Variants in KCNMA1 observed in about 807,000 individuals in gnomAD.
KCNMA1 encodes Calcium-activated potassium channel subunit alpha-1.
Under a neutral mutation model 140.0 loss-of-function variants are expected in KCNMA1, and 29 were observed. The observed-to-expected ratio is 0.21, with a 90% confidence interval of 0.15 to 0.28. KCNMA1 has a LOEUF of 0.28. Among genes scored for constraint, KCNMA1 ranks in the 10% least tolerant of loss-of-function variants. The probability of loss-of-function intolerance (pLI) is 1.00; values close to 1 mark genes in which losing one functional copy is unlikely to be tolerated. For missense variants in KCNMA1, 880 were observed against 1,602.2 expected (o/e 0.55, Z 7.70); for synonymous variants, 612 against 611.9 (o/e 1.00, Z 0.00).
intron 1 of KCNMA1, chr10:77,636,976 A>C (rs889694032): frequency 7.1e-7 from 1 of 1,408,108 alleles, no homozygotes; most frequent in Non-Finnish European, 9.2e-7. Context: ...TGAGTCCCCG[A>C]CCCCGGCCCC....
intron 2 of KCNMA1, among the ~76,000 whole-genome samples, chr10:77,370,249 G>C (rs968300716): frequency 1.3e-5 from 2 of 152,150 alleles, no homozygotes; most frequent in Non-Finnish European, 2.9e-5. Context: ...AAAGTTGCAG[G>C]TCCTTTGGGG....
In KCNMA1 at chr10:77,598,512, C is replaced by T. The variant is rs922278757; in HGVS notation, c.378+38753G>A. On this transcript the variant is annotated intron_variant, in intron 1 of 27. Transcript: ENST00000286628. ...CTGCAGGAGAGGAGTGCATGGCATCCGAGAGCCATCAAACAGTAAATAAGA... is the reference window on the plus strand; with the variant it reads ...CTGCAGGAGAGGAGTGCATGGCATCTGAGAGCCATCAAACAGTAAATAAGA... Among the ~76,000 whole-genome samples the T allele has an allele frequency of 5.9e-5, 9 of 152,172 alleles. 1 individual carries two copies. The highest frequency in any genetic ancestry group is 1.9e-4 in the African/African-American group (8 of 41,434).
intron 2 of KCNMA1, among the ~76,000 whole-genome samples, chr10:77,283,080 T>C (rs2069287622): frequency 6.6e-6 from 1 of 152,174 alleles, no homozygotes; most frequent in Non-Finnish European, 1.5e-5. Context: ...TTAGTTCAAC[T>C]ACCAGCCTTT....
intron 1 of KCNMA1, among the ~76,000 whole-genome samples, chr10:77,518,521 C>A (rs2051465915): frequency 6.6e-6 from 1 of 152,196 alleles, no homozygotes; most frequent in African/African-American, 2.4e-5. Context: ...TCTCTAGGGG[C>A]TGCTCAGAAA....
rs567394865 is a variant in KCNMA1, at chr10:77,255,483, C to T, written c.541-4227G>A. On this transcript the variant is annotated intron_variant, in intron 2 of 27. Transcript: ENST00000286628. ...GTTGTGGTGGTGCACACCTGTAGTCCCAGCTACTTGGGAAGTTGAAACAGG... is the reference window on the plus strand; with the variant it reads ...GTTGTGGTGGTGCACACCTGTAGTCTCAGCTACTTGGGAAGTTGAAACAGG... 2.6e-5 allele frequency among the ~76,000 whole-genome samples: 4 copies of T among 152,024 alleles called. No homozygotes were observed. In the South Asian group the frequency reaches 8.3e-4, roughly 32 times the overall value.
At chr10:76,957,861 A>T (rs2153029120) in intron 20 of KCNMA1, among the ~76,000 whole-genome samples, 1 of 152,316 alleles carries the variant, frequency 6.6e-6, no homozygotes, top group Non-Finnish European at 1.5e-5. Context: ...GTAAGCTGGG[A>T]ACACAATTCG....
At chr10:76,949,022 G>A in intron 22 of KCNMA1, 120 bp downstream of exon 22, 1 of 885,574 alleles carries the variant, frequency 1.1e-6, no homozygotes, top group Admixed American at 1.7e-5. Context: ...TGAGTCCTCA[G>A]GCCCATACCC....
At position 76,953,880 on chromosome 10, in the gene KCNMA1, A is replaced by G. The variant is rs75573826; in HGVS notation, c.2405T>C (p.Met802Thr). Reference sequence around the variant, plus strand: ...GTCGTACTTCTTCACATTGGAGTCCATGTTGTCAATCTGATCATTGCCAGG... The same window carrying G: ...GTCGTACTTCTTCACATTGGAGTCCGTGTTGTCAATCTGATCATTGCCAGG... Reference protein sequence around the residue: ...LIPGNDQIDNMDSNVKKYDST... With the variant: ...LIPGNDQIDNTDSNVKKYDST... The change falls in exon 21 of 28, where the codon ATG becomes ACG. Residue 802 changes from methionine (M) to threonine (T), a missense_variant. Met to Thr is a moderately conservative substitution (Grantham distance 81). Coordinates refer to ENST00000286628, the MANE Select transcript of KCNMA1 (RefSeq NM_001161352.2). 14 of 1,613,942 alleles carry G rather than the reference A, an allele frequency of 8.7e-6. No individual in the cohort carries two copies. The highest frequency in any genetic ancestry group is 9.3e-6 in the Non-Finnish European group (11 of 1,179,922).
intron 1 of KCNMA1, among the ~76,000 whole-genome samples, chr10:77,545,189 C>T (rs1303955035): frequency 2.6e-5 from 4 of 152,174 alleles, no homozygotes; most frequent in African/African-American, 9.7e-5. Flanking sequence ...GGGTTTCATC[C>T]CACAGACAAC....
chr10:76,941,946 C>A (rs1231283362), intron 23 of KCNMA1, among the ~76,000 whole-genome samples: 1 of 151,980 alleles, frequency 6.6e-6, no homozygotes, highest in East Asian at 1.9e-4. Context: ...TCTCAGGCTT[C>A]TTTTACTTTA....
intron 2 of KCNMA1, among the ~76,000 whole-genome samples, chr10:77,303,555 G>C (rs546922860): frequency 6.6e-6 from 1 of 151,986 alleles, no homozygotes; most frequent in African/African-American, 2.4e-5. Flanking sequence ...TTTCCTAAAG[G>C]AAACAAAAAA....
At chr10:77,581,876 A>G (rs888773947) in intron 1 of KCNMA1, among the ~76,000 whole-genome samples, 88 of 152,244 alleles carry the variant, frequency 5.8e-4, no homozygotes, top group African/African-American at 2.0e-3. Context: ...GACAGCTTCA[A>G]AGAGCATCTG....
At chr10:77,441,495 A>C (rs527804203) in intron 1 of KCNMA1, among the ~76,000 whole-genome samples, 30 of 152,284 alleles carry the variant, frequency 2.0e-4, no homozygotes, top group African/African-American at 7.0e-4. Context: ...GTTCCATCCT[A>C]AGGACTTTAG....
intron 16 of KCNMA1, among the ~76,000 whole-genome samples, chr10:77,025,242 G>GTATGTATATATA (rs1555136871): frequency 2.3e-5 from 1 of 42,742 alleles, no homozygotes; most frequent in African/African-American, 7.7e-5. Flanking sequence ...GGGTGTGTGT[G>GTATGTATATATA]TATATATATA....
chr10:77,107,836 C>T (rs1564580305), intron 9 of KCNMA1, among the ~76,000 whole-genome samples: 2 of 152,170 alleles, frequency 1.3e-5, no homozygotes, highest in South Asian at 2.1e-4. Flanking sequence ...TCCCAGTGGC[C>T]GCAGTGCCTT....
At chr10:77,026,840 T>C (rs1339814620) in intron 16 of KCNMA1, among the ~76,000 whole-genome samples, 1 of 152,220 alleles carries the variant, frequency 6.6e-6, no homozygotes, top group Non-Finnish European at 1.5e-5. Context: ...TCTGGCTGTA[T>C]TGGGTTATTC....
intron 13 of KCNMA1, chr10:77,078,132 T>C (rs1463718488): frequency 2.0e-5 from 3 of 152,022 alleles, no homozygotes; most frequent in African/African-American, 7.3e-5. Context: ...CAGAATGGGG[T>C]TTTTCTCTGC....
rs182588778 is a variant in KCNMA1 at position 77,494,988 on chromosome 10, C to G, written c.379-90965G>C. Among the ~76,000 whole-genome samples, 8 of 152,216 alleles carry G rather than the reference C, an allele frequency of 5.3e-5. No homozygotes were observed. In the East Asian group the frequency reaches 1.5e-3, roughly 29 times the overall value. On this transcript the variant is annotated intron_variant, in intron 1 of 27. Transcript: ENST00000286628. ...GTTCCCCTTTTTATAAATATGACAC[C>G]AGTTATTTTGGGTTAGAGCCCACGC... is the stretch of plus-strand genomic sequence containing the variant.
At chr10:76,940,819 G>T (rs1201791356) in intron 23 of KCNMA1, among the ~76,000 whole-genome samples, 1 of 151,242 alleles carries the variant, frequency 6.6e-6, no homozygotes, top group African/African-American at 2.4e-5. Context: ...AAATTAGCCG[G>T]GTGTGGCAGC....
Sources: gnomAD v4.1 joint callset for allele counts (sites outside exome capture counted in the v4.1 genomes callset) on GRCh38, gnomAD v4.1.1 for gene constraint, MANE v1.5 for transcripts, NCBI Gene and HGNC (gene_info 2026-07-23, HGNC 2026-07-21) for gene names.